Variants in ERBB4 observed in about 807,000 individuals in gnomAD.
ERBB4 encodes the protein erb-b2 receptor tyrosine kinase 4.
Under a neutral mutation model 158.0 loss-of-function variants are expected in ERBB4, and 42 were observed. That is an observed-to-expected ratio of 0.27 (90% CI 0.21 to 0.34). The LOEUF (loss-of-function observed/expected upper bound fraction) is 0.34, where lower values mean the gene tolerates loss of function less well. Ranked by LOEUF, ERBB4 falls within the 10% of genes least tolerant of loss-of-function variation. ERBB4 has a pLI of 1.00. For synonymous variants in ERBB4, 583 were observed against 558.7 expected (o/e 1.04, Z -0.61); for missense variants, 1,333 against 1,624.1 (o/e 0.82, Z 3.08).
At chr2:211,531,320 C>A (rs922217364) in intron 20 of ERBB4, among the ~76,000 whole-genome samples, 9 of 152,042 alleles carry the variant, frequency 5.9e-5, no homozygotes, top group Non-Finnish European at 1.3e-4. Context: ...CACATGGGAT[C>A]ACATGAAGTT....
intron 1 of ERBB4, among the ~76,000 whole-genome samples, chr2:212,415,230 G>T (rs966857449): frequency 6.6e-6 from 1 of 152,092 alleles, no homozygotes; most frequent in Non-Finnish European, 1.5e-5. Flanking sequence ...TATAAAAAAG[G>T]CCTGTTTAAC....
intron 7 of ERBB4, 43 bp from the exon 8 acceptor site, chr2:211,713,691 AC>A: frequency 8.6e-7 from 1 of 1,164,156 alleles, no homozygotes. Flanking sequence ...ATTAATGTTA[AC>A]ATTCAGCAAA....
Position 212,113,573 on chromosome 2 carries a change from CAAAAAAAAAAAAAA to C in ERBB4, c.234+11165_234+11178del, listed in dbSNP as rs35545899. Reference sequence around the variant, plus strand: ...TCAGTGACAGAGCGAGACTCCATCTCAAAAAAAAAAAAAAAAAAAAAAAAAAAAAAGGAATTGGA... The same window carrying C: ...TCAGTGACAGAGCGAGACTCCATCTCAAAAAAAAAAAAAAAAGGAATTGGA... On this transcript the variant is annotated intron_variant, in intron 2 of 27. Transcript: ENST00000342788. 1.1e-4 allele frequency among the ~76,000 whole-genome samples: 7 copies of C among 64,246 alleles called. No homozygotes were observed. In the East Asian group the frequency reaches 4.3e-3, roughly 39 times the overall value. 42.1% of individuals were successfully genotyped at this position (64,246 alleles called of 152,430 possible). A position where few individuals can be genotyped will look rare whatever the true frequency, so the allele number is the denominator to read the frequency against.
intron 1 of ERBB4, among the ~76,000 whole-genome samples, chr2:212,403,150 G>A (rs549915990): frequency 6.6e-6 from 1 of 152,138 alleles, no homozygotes; most frequent in Admixed American, 6.6e-5. Flanking sequence ...TAGTAAAACA[G>A]ATCAAATAGA....
chr2:212,096,540 C>T (rs1164987376), intron 2 of ERBB4, among the ~76,000 whole-genome samples: 7 of 152,096 alleles, frequency 4.6e-5, no homozygotes, highest in Non-Finnish European at 2.9e-5. Context: ...TGGTGGCTTA[C>T]TGAGGGCTCA....
At chr2:212,098,519 G>C (rs2125509797) in intron 2 of ERBB4, among the ~76,000 whole-genome samples, 1 of 152,220 alleles carries the variant, frequency 6.6e-6, no homozygotes, top group Non-Finnish European at 1.5e-5. Flanking sequence ...TTGATGAAAG[G>C]AAACCCCCAC....
At chr2:212,329,461 G>A (rs947131435) in intron 1 of ERBB4, among the ~76,000 whole-genome samples, 7 of 152,038 alleles carry the variant, frequency 4.6e-5, no homozygotes, top group African/African-American at 1.7e-4. Flanking sequence ...AGCCTACTGA[G>A]GTTTGATTTA....
intron 1 of ERBB4, among the ~76,000 whole-genome samples, chr2:212,350,239 A>C (rs1363916703): frequency 6.6e-6 from 1 of 152,244 alleles, no homozygotes; most frequent in African/African-American, 2.4e-5. Flanking sequence ...ATAATATAGA[A>C]ATGAATTTTC....
At chr2:211,903,983 C>T (rs963896216) in intron 3 of ERBB4, among the ~76,000 whole-genome samples, 1 of 151,992 alleles carries the variant, frequency 6.6e-6, no homozygotes, top group Non-Finnish European at 1.5e-5. Flanking sequence ...AAAATTACAA[C>T]ACATCAAATT....
At chr2:211,734,124 A>T (rs1426181037) in intron 5 of ERBB4, among the ~76,000 whole-genome samples, 1 of 152,186 alleles carries the variant, frequency 6.6e-6, no homozygotes, top group East Asian at 1.9e-4. Flanking sequence ...TGTTAAAATT[A>T]AAAAAAGAAC....
At chr2:211,695,137 A>G (rs1004904604) in intron 12 of ERBB4, among the ~76,000 whole-genome samples, 6 of 152,140 alleles carry the variant, frequency 3.9e-5, no homozygotes, top group African/African-American at 1.4e-4. Flanking sequence ...TTAAGCAAAC[A>G]CTGTTTTATT....
chr2:212,158,256 T>A (rs750948468), intron 1 of ERBB4, among the ~76,000 whole-genome samples: 56 of 151,964 alleles, frequency 3.7e-4, no homozygotes, highest in Non-Finnish European at 6.3e-4. Context: ...GCACACATGC[T>A]GAAGCTTTTT....
intron 1 of ERBB4, among the ~76,000 whole-genome samples, chr2:212,509,819 G>A (rs979103547): frequency 4.7e-5 from 7 of 149,688 alleles, no homozygotes; most frequent in Non-Finnish European, 1.1e-4. Context: ...CTTACAGTCA[G>A]TTAGTTTCTA....
At chr2:212,183,768 T>C (rs555510962) in intron 1 of ERBB4, among the ~76,000 whole-genome samples, 1 of 152,160 alleles carries the variant, frequency 6.6e-6, no homozygotes, top group East Asian at 1.9e-4. Context: ...AACAGGAAAA[T>C]CTGCCAAACC....
chr2:211,603,670 T>G (rs2068874159), intron 19 of ERBB4, among the ~76,000 whole-genome samples: 1 of 152,202 alleles, frequency 6.6e-6, no homozygotes, highest in Admixed American at 6.5e-5. Flanking sequence ...ATAAAATTCC[T>G]GGACCATCAG....
intron 2 of ERBB4, among the ~76,000 whole-genome samples, chr2:212,123,994 G>T (rs1229312879): frequency 6.6e-6 from 1 of 152,088 alleles, no homozygotes; most frequent in Non-Finnish European, 1.5e-5. Flanking sequence ...ATTCTTAATT[G>T]TGCAAAGACC....
intron 25 of ERBB4, among the ~76,000 whole-genome samples, chr2:211,393,209 T>C (rs1236651766): frequency 6.6e-6 from 1 of 152,142 alleles, no homozygotes; most frequent in Non-Finnish European, 1.5e-5. Flanking sequence ...TGATAACTCT[T>C]AGGGAAATTA....
At chr2:212,443,616 G>A (rs1025286332) in intron 1 of ERBB4, among the ~76,000 whole-genome samples, 1 of 152,172 alleles carries the variant, frequency 6.6e-6, no homozygotes, top group African/African-American at 2.4e-5. Context: ...GTTTTGAGTG[G>A]GGTCCAGAAC....
intron 1 of ERBB4, among the ~76,000 whole-genome samples, chr2:212,279,719 A>C (rs2085681923): frequency 6.6e-6 from 1 of 151,632 alleles, no homozygotes. Context: ...TCTTTCAAAA[A>C]GTTGGTGAAT....
Sources: allele counts gnomAD v4.1 joint callset (sites outside exome capture counted in the v4.1 genomes callset), GRCh38; gene constraint gnomAD v4.1.1; transcripts MANE v1.5; gene names NCBI Gene and HGNC (gene_info 2026-07-23, HGNC 2026-07-21).